Variants in ALOX5AP observed in about 807,000 individuals in gnomAD.
ALOX5AP encodes arachidonate 5-lipoxygenase activating protein.
ALOX5AP carries 9 observed loss-of-function variants against 18.5 expected under a neutral mutation model. The ratio of observed to expected loss-of-function variants is 0.49; its 90% confidence interval spans 0.29 to 0.85. ALOX5AP has a LOEUF of 0.85. Among genes scored for constraint, ALOX5AP ranks in the 40% least tolerant of loss-of-function variants. The pLI, the probability that ALOX5AP is intolerant of heterozygous loss-of-function variation, is 0.08. For missense variants in ALOX5AP, 172 were observed against 202.5 expected (o/e 0.85, Z 0.91); for synonymous variants, 81 against 78.6 (o/e 1.03, Z -0.16).
chr13:30,718,105 G>T (rs919675833), intron 1 of ALOX5AP, among the ~76,000 whole-genome samples: 2 of 151,726 alleles, frequency 1.3e-5, no homozygotes, highest in African/African-American at 4.8e-5. Flanking sequence ...GATTACAGGC[G>T]TGTGCCACCA....
intron 2 of ALOX5AP, among the ~76,000 whole-genome samples, chr13:30,746,709 A>C (rs1025153854): frequency 6.6e-6 from 1 of 152,256 alleles, no homozygotes; most frequent in Non-Finnish European, 1.5e-5. Context: ...GGCTGCAGGA[A>C]GAAAAGAACA....
intron 4 of ALOX5AP, among the ~76,000 whole-genome samples, chr13:30,757,772 T>C (rs1412115514): frequency 6.6e-6 from 1 of 152,150 alleles, no homozygotes; most frequent in East Asian, 1.9e-4. Context: ...CCTTTTAACT[T>C]TAAAGGCTTT....
chr13:30,760,121 A>G (rs1951928890), intron 4 of ALOX5AP, among the ~76,000 whole-genome samples: 1 of 152,032 alleles, frequency 6.6e-6, no homozygotes, highest in Non-Finnish European at 1.5e-5. Context: ...TACAATTTTT[A>G]TTTTCTTTAG....
intron 1 of ALOX5AP, among the ~76,000 whole-genome samples, chr13:30,725,114 G>C (rs1951629248): frequency 6.6e-6 from 1 of 152,178 alleles, no homozygotes; most frequent in Non-Finnish European, 1.5e-5. Context: ...ATACAAGTGG[G>C]TGTTCATTTT....
At chr13:30,755,858 G>A in intron 3 of ALOX5AP, 86 bp from the exon 4 acceptor site, 1 of 1,310,170 alleles carries the variant, frequency 7.6e-7, no homozygotes, top group Non-Finnish European at 1.1e-6. Flanking sequence ...GCTAGATTTT[G>A]TGACCAATGT....
At chr13:30,744,330 C>T (rs146290281) in intron 2 of ALOX5AP, 171 bp downstream of exon 2, 2 of 584,840 alleles carry the variant, frequency 3.4e-6, no homozygotes, top group African/African-American at 3.7e-5. Context: ...CACCCTTTAT[C>T]ATCTTAGTGA....
Position 30,717,823 on chromosome 13 carries a change from G to T in ALOX5AP, c.116+3982G>T, listed in dbSNP as rs576402096. Among the ~76,000 whole-genome samples, 14 of 152,254 alleles carry T rather than the reference G, an allele frequency of 9.2e-5. No homozygotes were observed. In the East Asian group the frequency reaches 2.7e-3, roughly 29 times the overall value. On this transcript the variant is annotated intron_variant, in intron 1 of 5. Coordinates refer to the ALOX5AP transcript ENST00000617770. ...TCAAGACACCCACATTCTTTCCCCA[G>T]AGTATAGGGCAAGACCTTCTCTGGG...
intron 2 of ALOX5AP, among the ~76,000 whole-genome samples, chr13:30,747,048 C>G (rs952534772): frequency 1.3e-5 from 2 of 152,260 alleles, no homozygotes; most frequent in Non-Finnish European, 2.9e-5. Flanking sequence ...TGTGGCTCAT[C>G]GGCTCAGACT....
At chr13:30,761,232 T>G (rs1442875522) in intron 4 of ALOX5AP, among the ~76,000 whole-genome samples, 3 of 152,284 alleles carry the variant, frequency 2.0e-5, no homozygotes, top group African/African-American at 7.2e-5. Flanking sequence ...TGGGAAGAGT[T>G]AAAGCACCCT....
chr13:30,755,260 G>A (rs188489488), intron 3 of ALOX5AP, among the ~76,000 whole-genome samples: 58 of 152,332 alleles, frequency 3.8e-4, no homozygotes, highest in African/African-American at 1.4e-3. Flanking sequence ...CTTCTAAATG[G>A]TAGCTGTTAG....
chr13:30,713,644 T>G lies in ALOX5AP; in HGVS notation c.-82T>G, dbSNP rs183339722. ...CTCCCGTTTTTGAAGAGGAGGACCC[T>G]GTCACATCTGGACAATTCTGCAAGA... is the stretch of plus-strand genomic sequence containing the variant. On this transcript the variant is annotated 5_prime_UTR_variant, in exon 1 of 6. Coordinates refer to the ALOX5AP transcript ENST00000617770. The G allele has an allele frequency of 2.2e-3, 2,211 of 998,858 alleles. 2 individuals are homozygous for G. Among genetic ancestry groups the G allele is most frequent in the Non-Finnish European group, 2.9e-3 (1,952 of 664,686 alleles). The allele number at this position is 998,858 out of a possible 1,614,324, so 61.9% of individuals were successfully genotyped here. A position where few individuals can be genotyped will look rare whatever the true frequency, so the allele number is the denominator to read the frequency against.
At chr13:30,761,081 C>T (rs549487950) in intron 4 of ALOX5AP, among the ~76,000 whole-genome samples, 16 of 152,304 alleles carry the variant, frequency 1.1e-4, no homozygotes, top group Non-Finnish European at 2.4e-4. Context: ...GCTCACTTGC[C>T]ACAGCTGTGG....
chr13:30,721,030 G>C (rs2137787744), intron 1 of ALOX5AP, among the ~76,000 whole-genome samples: 1 of 152,234 alleles, frequency 6.6e-6, no homozygotes. Context: ...GGACCCCACA[G>C]CCACACACAT....
At chr13:30,747,158 C>G (rs548417190) in intron 2 of ALOX5AP, among the ~76,000 whole-genome samples, 7 of 152,296 alleles carry the variant, frequency 4.6e-5, no homozygotes, top group African/African-American at 1.7e-4. Context: ...ACTCTGTTCA[C>G]GTGTATATTT....
At chr13:30,758,299 C>G (rs1294952428) in intron 4 of ALOX5AP, among the ~76,000 whole-genome samples, 2 of 152,202 alleles carry the variant, frequency 1.3e-5, no homozygotes, top group Non-Finnish European at 2.9e-5. Flanking sequence ...CCCATCTCCT[C>G]CCCAGGCCTC....
chr13:30,757,627 C>A (rs925480976), intron 4 of ALOX5AP, among the ~76,000 whole-genome samples: 2 of 152,096 alleles, frequency 1.3e-5, no homozygotes, highest in African/African-American at 4.8e-5. Flanking sequence ...TATCTTACCC[C>A]CTGCAAAGTC....
Position 30,735,690 on chromosome 13 carries a change from T to A in ALOX5AP, c.70+15T>A. 1 of 1,613,918 alleles carries A rather than the reference T, an allele frequency of 6.2e-7. No homozygotes were observed. ...GGTCCAGAATGGTAAGGAAAGCCCT[T>A]CACTCAGGGAAGAACAGAAGGGGAG... On this transcript the variant is annotated intron_variant, in intron 1 of 4. Transcript: ENST00000380490.
At chr13:30,714,768 C>G (rs182037422) in intron 1 of ALOX5AP, among the ~76,000 whole-genome samples, 7 of 152,198 alleles carry the variant, frequency 4.6e-5, no homozygotes, top group African/African-American at 1.7e-4. Context: ...CCTAAGCTTA[C>G]GCCGTCACAC....
chr13:30,744,009 G>T (rs757606428), intron 1 of ALOX5AP, 51 bp from the exon 2 acceptor site: 1 of 1,482,788 alleles, frequency 6.7e-7, no homozygotes, highest in Non-Finnish European at 9.4e-7. Flanking sequence ...GAAGTAACAG[G>T]CTCCTGAACA....
Sources: allele counts gnomAD v4.1 joint callset (sites outside exome capture counted in the v4.1 genomes callset), GRCh38; gene constraint gnomAD v4.1.1; transcripts MANE v1.5; gene names NCBI Gene and HGNC (gene_info 2026-07-23, HGNC 2026-07-21).